Variants in ZNF480 observed in about 807,000 individuals in gnomAD.
ZNF480 encodes the protein zinc finger protein 480.
A neutral mutation model predicts 14.4 loss-of-function variants in ZNF480; 15 were observed. The ratio of observed to expected loss-of-function variants is 1.04; its 90% CI spans 0.70 to 1.60. The LOEUF is 1.60. Among genes scored for constraint, ZNF480 ranks in the 40% most tolerant of loss-of-function variants. ZNF480 has a pLI of 0.00. For synonymous variants in ZNF480, 218 were observed against 215.5 expected, an observed-to-expected ratio of 1.01 and a Z score of -0.10; for missense variants, 593 against 629.7, an observed-to-expected ratio of 0.94 and a Z score of 0.62.
intron 2 of ZNF480, among the ~76,000 whole-genome samples, chr19:52,311,499 G>T (rs1983285816): frequency 4.0e-5 from 6 of 151,862 alleles, no homozygotes. Flanking sequence ...TTTGAATCTG[G>T]GTATTTAATA....
intron 2 of ZNF480, chr19:52,307,559 T>TA (rs1357301643): frequency 6.6e-6 from 1 of 152,164 alleles, no homozygotes; most frequent in Non-Finnish European, 1.5e-5. Context: ...AGGAATTAAA[T>TA]ACACAGACAC....
In ZNF480 at chr19:52,322,846, T is replaced by A; in HGVS notation, c.1596T>A (p.Ile532=). 6.3e-7 allele frequency: 1 copy of A among 1,577,540 alleles called. No homozygotes were observed. Among genetic ancestry groups the A allele is most frequent in the South Asian group, 1.2e-5 (1 of 85,756 alleles). ...CATACCTAGCACAACATTGGACAATTCATATGGGATAGAAACTACAAATGC... is the reference window on the plus strand; with the variant it reads ...CATACCTAGCACAACATTGGACAATACATATGGGATAGAAACTACAAATGC... ...RISYLAQHWT[I]HMG Residue 532 remains isoleucine, a synonymous_variant, in exon 5 of 5, where the codon ATT becomes ATA. Coordinates refer to ENST00000595962, the MANE Select transcript of ZNF480 (RefSeq NM_144684.4).
At chr19:52,305,815 G>A (rs1477640730) in intron 2 of ZNF480, among the ~76,000 whole-genome samples, 1 of 152,216 alleles carries the variant, frequency 6.6e-6, no homozygotes, top group Non-Finnish European at 1.5e-5. Context: ...CCTGGGACGG[G>A]CCCCTCATGG....
intron 1 of ZNF480, among the ~76,000 whole-genome samples, chr19:52,298,712 A>G (rs146411674): frequency 2.1e-3 from 317 of 152,138 alleles, no homozygotes; most frequent in Non-Finnish European, 3.5e-3. Context: ...AGAGGGGTGA[A>G]ACAAGTTGCC....
chr19:52,313,573 A>G lies in ZNF480; in HGVS notation c.73-580A>G, dbSNP rs376862750. Among the ~76,000 whole-genome samples the G allele has an allele frequency of 3.9e-5, 6 of 152,236 alleles. No homozygotes were observed. In the East Asian group the frequency reaches 1.2e-3, roughly 29 times the overall value. On this transcript the variant is annotated intron_variant, in intron 2 of 4. Coordinates refer to ENST00000595962, the MANE Select transcript of ZNF480 (RefSeq NM_144684.4). ...AATATGACTTGGAGTGTCAAAAATA[A>G]TAGCTAATGCTTCTATAGAGATAAC...
chr19:52,322,241 G>T lies in ZNF480; in HGVS notation c.991G>T (p.Ala331Ser), dbSNP rs1983864220. ...GKGFSHKSSL[A>S]NHWRIYTGEK... is the part of the protein sequence containing the mutation. ...AGGCTTCAGTCATAAGTCATCTCTA[G>T]CAAATCATTGGAGAATTTATACTGG... The change falls in exon 5 of 5, where the codon GCA (alanine) becomes TCA (serine). Residue 331 changes from alanine (A) to serine (S), a missense_variant. Transcript: ENST00000595962. 1 of 1,613,772 alleles carries T rather than the reference G, an allele frequency of 6.2e-7. No homozygotes were observed. The highest frequency in any genetic ancestry group is 1.3e-5 in the African/African-American group (1 of 74,886).
chr19:52,313,540 A>G (rs1222231172), intron 2 of ZNF480, among the ~76,000 whole-genome samples: 1 of 152,122 alleles, frequency 6.6e-6, no homozygotes, highest in Non-Finnish European at 1.5e-5. Context: ...CAGATCAGGT[A>G]GATACTGAAT....
intron 2 of ZNF480, among the ~76,000 whole-genome samples, chr19:52,309,888 T>C (rs1983185953): frequency 6.6e-6 from 1 of 152,210 alleles, no homozygotes; most frequent in Admixed American, 6.5e-5. Flanking sequence ...AGTTGCAGAT[T>C]TCTAACACAG....
rs765364002 is a variant in ZNF480, at chr19:52,321,973, T to C, written c.723T>C (p.Ser241=). 7.4e-6 allele frequency: 12 copies of C among 1,612,424 alleles called. No homozygotes were observed. The South Asian group carries it at 1.2e-4, about 16-fold the overall frequency. The change falls in exon 5 of 5, where the codon AGT becomes AGC. Residue 241 remains serine, a synonymous_variant. Transcript: ENST00000595962. The stretch of plus-strand genomic sequence containing the variant: ...GTAATTCATGCGGCAAGGTCTTTAG[T>C]CGCAATTCACACCTTGCAGAACATT... ...YKCNSCGKVF[S]RNSHLAEHCR...
At chr19:52,298,441 T>A (rs1449907401) in intron 1 of ZNF480, among the ~76,000 whole-genome samples, 1 of 152,094 alleles carries the variant, frequency 6.6e-6, no homozygotes, top group Non-Finnish European at 1.5e-5. Flanking sequence ...GAGACCAGCG[T>A]GGGCAACATG....
At chr19:52,312,909 C>T (rs181284482) in intron 2 of ZNF480, among the ~76,000 whole-genome samples, 95 of 152,120 alleles carry the variant, frequency 6.2e-4, no homozygotes, top group African/African-American at 2.2e-3. Flanking sequence ...CAGCTTCTGC[C>T]TCCTGGGTTT....
chr19:52,316,380 C>T (rs1452688576), intron 4 of ZNF480, among the ~76,000 whole-genome samples: 1 of 152,078 alleles, frequency 6.6e-6, no homozygotes, highest in Non-Finnish European at 1.5e-5. Flanking sequence ...TCACCTGCAC[C>T]ATGCCTGGCT....
At chr19:52,317,811 TCTC>T (rs1205974148) in intron 4 of ZNF480, among the ~76,000 whole-genome samples, 1 of 152,218 alleles carries the variant, frequency 6.6e-6, no homozygotes, top group Admixed American at 6.5e-5. Flanking sequence ...GGCACAAAAT[TCTC>T]CTATTTCTCC....
rs935023767 is a variant in ZNF480 at position 52,325,468 on chromosome 19, G to A, written c.*2610G>A. 2 of 152,140 alleles carry A rather than the reference G, an allele frequency of 1.3e-5. No individual in the cohort carries two copies. Among genetic ancestry groups the A allele is most frequent in the African/African-American group, 4.8e-5 (2 of 41,448 alleles). The allele number at this position is 152,140 out of a possible 1,614,324, so 9.4% of individuals were successfully genotyped here. A position where few individuals can be genotyped will look rare whatever the true frequency, so the allele number is the denominator to read the frequency against. On this transcript the variant is annotated 3_prime_UTR_variant, in exon 5 of 5. Transcript: ENST00000595962. ...CATTCCACCATAAAGACAAACACTT[G>A]TATGTTCATTGCAGCACTATTCTCA...
Position 52,318,450 on chromosome 19 carries a change from T to C in ZNF480, c.328+2488T>C, listed in dbSNP as rs556797214. ...TTAAGTTTTTATCACAGATATGATA[T>C]GCAAATATTTTCTCACATATGGTAG... On this transcript the variant is annotated intron_variant, in intron 4 of 4. Coordinates refer to ENST00000595962, the MANE Select transcript of ZNF480 (RefSeq NM_144684.4). Among the ~76,000 whole-genome samples the C allele has an allele frequency of 3.3e-4, 51 of 152,324 alleles. No individual in the cohort carries two copies. The South Asian group carries it at 0.011, about 32-fold the overall frequency.
intron 2 of ZNF480, chr19:52,313,723 C>T (rs746994579): frequency 5.9e-5 from 20 of 340,992 alleles, no homozygotes; most frequent in Non-Finnish European, 5.9e-5. Context: ...AGGGTGGTGG[C>T]TCACACCTGT....
chr19:52,301,736 T>C (rs139080037), intron 2 of ZNF480: 1 of 152,246 alleles, frequency 6.6e-6, no homozygotes, highest in African/African-American at 2.4e-5. Context: ...CCCATAATGA[T>C]TAAAATTAAA....
Position 52,315,883 on chromosome 19 carries a change from G to C in ZNF480, c.249G>C (p.Arg83Ser), listed in dbSNP as rs1474669332. The C allele has an allele frequency of 7.4e-6, 12 of 1,613,174 alleles. No individual in the cohort carries two copies. The highest frequency in any genetic ancestry group is 1.0e-5 in the Non-Finnish European group (12 of 1,179,534). The change falls in exon 4 of 5, where the codon AGG becomes AGC. Residue 83 changes from arginine to serine, a missense_variant. Coordinates refer to ENST00000595962, the MANE Select transcript of ZNF480 (RefSeq NM_144684.4). ...TTAACTCCATGTTGGAGCAAAGGAG[G>C]GAGCCCTGGTCTGGTGAGAGTGAAG... is the stretch of plus-strand genomic sequence containing the variant. The part of the protein sequence containing the change: ...LNINSMLEQR[R>S]EPWSGESEVK...
Position 52,321,638 on chromosome 19 carries a change from G to C in ZNF480, c.388G>C (p.Val130Leu), listed in dbSNP as rs1429410020. 6.2e-7 allele frequency: 1 copy of C among 1,611,872 alleles called. No homozygotes were observed. The change falls in exon 5 of 5, where the codon GTA (valine) becomes CTA (leucine). Residue 130 changes from valine to leucine, a missense_variant. Coordinates refer to ENST00000595962, the MANE Select transcript of ZNF480 (RefSeq NM_144684.4). Reference protein sequence around the residue: ...EDKPIKKQLGVSFHLHLSELE... With the variant: ...EDKPIKKQLGLSFHLHLSELE... ...CAAACCAATTAAAAAACAACTTGGA[G>C]TATCCTTTCACTTACATCTGTCTGA...
Sources: allele counts gnomAD v4.1 joint callset (sites outside exome capture counted in the v4.1 genomes callset), GRCh38; gene constraint gnomAD v4.1.1; transcripts MANE v1.5; gene names NCBI Gene and HGNC (gene_info 2026-07-23, HGNC 2026-07-21).